Variants in SLC25A33 observed in about 807,000 individuals in gnomAD.
The protein encoded by SLC25A33 is solute carrier family 25 member 33, also known as bone marrow stromal cell mitochondrial carrier protein.
SLC25A33 carries 15 observed loss-of-function variants against 35.5 expected under a neutral mutation model. The observed-to-expected ratio is 0.42, with a 90% confidence interval of 0.28 to 0.65. The LOEUF is 0.65. Among genes scored for constraint, SLC25A33 ranks in the 30% least tolerant of loss-of-function variants. The probability of loss-of-function intolerance (pLI) is 0.20; values close to 1 mark genes in which losing one functional copy is unlikely to be tolerated. For synonymous variants in SLC25A33, 136 were observed against 148.7 expected (o/e 0.91, Z 0.62); for missense variants, 257 against 398.5 (o/e 0.64, Z 3.02).
intron 6 of SLC25A33, 147 bp downstream of exon 6, chr1:9,580,381 A>G: frequency 3.9e-6 from 4 of 1,028,870 alleles, no homozygotes; most frequent in South Asian, 3.2e-5. Flanking sequence ...CTCTAACCGC[A>G]TGGACAGAGG....
intron 5 of SLC25A33, chr1:9,576,650 C>T (rs939791303): frequency 1.6e-5 from 10 of 614,868 alleles, no homozygotes; most frequent in East Asian, 1.2e-4. Flanking sequence ...GTGCAGAACA[C>T]GATCAAGGGT....
At chr1:9,568,714 G>A (rs902054200) in intron 3 of SLC25A33, among the ~76,000 whole-genome samples, 6 of 152,054 alleles carry the variant, frequency 3.9e-5, no homozygotes, top group Non-Finnish European at 8.8e-5. Context: ...AGCCGGGCGT[G>A]ATGGCTGGCA....
intron 2 of SLC25A33, among the ~76,000 whole-genome samples, chr1:9,561,544 A>G (rs1643424194): frequency 6.6e-6 from 1 of 152,154 alleles, no homozygotes; most frequent in Non-Finnish European, 1.5e-5. Context: ...TGTTCCAGAA[A>G]AGTTTTGTAA....
intron 1 of SLC25A33, among the ~76,000 whole-genome samples, chr1:9,547,816 T>A (rs1380992888): frequency 6.6e-6 from 1 of 151,842 alleles, no homozygotes; most frequent in African/African-American, 2.4e-5. Flanking sequence ...TTTTTTTTTT[T>A]AAGTTTTTGT....
At chr1:9,580,908 A>G (rs941412136) in intron 6 of SLC25A33, among the ~76,000 whole-genome samples, 4 of 150,298 alleles carry the variant, frequency 2.7e-5, no homozygotes, top group Non-Finnish European at 5.9e-5. Flanking sequence ...TTCAGCCTCT[A>G]TTTCTAATGG....
intron 2 of SLC25A33, among the ~76,000 whole-genome samples, chr1:9,561,042 C>T (rs765714713): frequency 6.6e-6 from 1 of 151,478 alleles, no homozygotes; most frequent in Non-Finnish European, 1.5e-5. Context: ...CTCTGTCTCC[C>T]GGATTCAAGC....
chr1:9,564,739 A>AAAATATAT (rs60174872), intron 2 of SLC25A33, among the ~76,000 whole-genome samples: 150 of 96,504 alleles, frequency 1.6e-3, no homozygotes, highest in African/African-American at 6.6e-3. Context: ...AAAAAAAAAA[A>AAAATATAT]ATATATATAT....
intron 3 of SLC25A33, among the ~76,000 whole-genome samples, chr1:9,567,784 T>C (rs1275150229): frequency 6.6e-6 from 1 of 152,214 alleles, no homozygotes; most frequent in African/African-American, 2.4e-5. Context: ...TCCAGAGGAA[T>C]TGTAAAGGCT....
rs1643781838 is a variant in SLC25A33, at chr1:9,584,411, G to C, written c.*1910G>C. 6.6e-6 allele frequency: 1 copy of C among 152,094 alleles called. No homozygotes were observed. Among genetic ancestry groups the C allele is most frequent in the Non-Finnish European group, 1.5e-5 (1 of 68,048 alleles). 9.4% of individuals were successfully genotyped at this position (152,094 alleles called of 1,614,324 possible). On this transcript the variant is annotated 3_prime_UTR_variant, in exon 7 of 7. Transcript: ENST00000302692. ...TATTCCAGAAGTTTTGTTTTGTTTT[G>C]TTTTGAGATGGAGTCTCGCTCTGTC...
chr1:9,572,681 G>A (rs1643607969), intron 4 of SLC25A33, among the ~76,000 whole-genome samples: 1 of 152,086 alleles, frequency 6.6e-6, no homozygotes, highest in South Asian at 2.1e-4. Flanking sequence ...GCACTATAGA[G>A]GGTGTGAGGT....
chr1:9,545,073 T>C (rs931789935), intron 1 of SLC25A33, among the ~76,000 whole-genome samples: 4 of 152,194 alleles, frequency 2.6e-5, no homozygotes, highest in Non-Finnish European at 5.9e-5. Flanking sequence ...AAAATTAAAC[T>C]AGGGAGGCAT....
At chr1:9,549,692 C>T (rs1643235349) in intron 1 of SLC25A33, among the ~76,000 whole-genome samples, 1 of 150,008 alleles carries the variant, frequency 6.7e-6, no homozygotes, top group Non-Finnish European at 1.5e-5. Flanking sequence ...GCGAGATCGG[C>T]TCACTGTAAC....
chr1:9,562,475 G>A (rs576781783), intron 2 of SLC25A33, among the ~76,000 whole-genome samples: 2 of 152,176 alleles, frequency 1.3e-5, no homozygotes, highest in East Asian at 3.9e-4. Flanking sequence ...ACTTAAAAGG[G>A]CCTGGGCTTA....
chr1:9,540,029 C>T (rs1270000196), intron 1 of SLC25A33, among the ~76,000 whole-genome samples: 1 of 152,150 alleles, frequency 6.6e-6, no homozygotes, highest in Non-Finnish European at 1.5e-5. Context: ...TCTGAAGAGT[C>T]AGTGGCCGGT....
intron 2 of SLC25A33, among the ~76,000 whole-genome samples, chr1:9,559,448 A>G (rs1643389367): frequency 6.6e-6 from 1 of 152,130 alleles, no homozygotes; most frequent in South Asian, 2.1e-4. Flanking sequence ...AAATAATAAA[A>G]GCTGCTGTCA....
At chr1:9,558,877 G>A (rs1326228134) in intron 2 of SLC25A33, among the ~76,000 whole-genome samples, 1 of 152,116 alleles carries the variant, frequency 6.6e-6, no homozygotes, top group Non-Finnish European at 1.5e-5. Context: ...CAGATCCTCT[G>A]CTCAGAGTTG....
At chr1:9,575,781 T>C (rs143174654) in intron 5 of SLC25A33, among the ~76,000 whole-genome samples, 2 of 152,330 alleles carry the variant, frequency 1.3e-5, no homozygotes, top group Non-Finnish European at 2.9e-5. Flanking sequence ...CCTTCTAACA[T>C]GCATCAGGTA....
chr1:9,562,440 C>A (rs1240832870), intron 2 of SLC25A33, among the ~76,000 whole-genome samples: 1 of 151,962 alleles, frequency 6.6e-6, no homozygotes, highest in African/African-American at 2.4e-5. Context: ...TGCTTGAACC[C>A]AGGAGGCAGA....
chr1:9,541,885 C>T (rs936011110), intron 1 of SLC25A33, among the ~76,000 whole-genome samples: 1 of 151,718 alleles, frequency 6.6e-6, no homozygotes, highest in Non-Finnish European at 1.5e-5. Context: ...CTGCAAGCTC[C>T]GCCTCCTGGG....
Sources: allele counts gnomAD v4.1 joint callset (sites outside exome capture counted in the v4.1 genomes callset), GRCh38; gene constraint gnomAD v4.1.1; transcripts MANE v1.5; gene names NCBI Gene and HGNC (gene_info 2026-07-23, HGNC 2026-07-21).